Variants in AP3S2 observed in about 807,000 individuals in gnomAD.
The protein encoded by AP3S2 is AP-3 complex subunit sigma-2.
Under a neutral mutation model 23.4 loss-of-function variants are expected in AP3S2, and 22 were observed. The observed-to-expected ratio is 0.94, with a 90% CI of 0.67 to 1.34. The LOEUF is 1.34. Among genes scored for constraint, AP3S2 ranks in the 40% most tolerant of loss-of-function variants. AP3S2 has a pLI of 0.00. For synonymous variants in AP3S2, 86 were observed against 87.1 expected (o/e 0.99, Z 0.07); for missense variants, 241 against 236.9 (o/e 1.02, Z -0.11).
At chr15:89,850,401 G>A (rs1596193610) in intron 4 of AP3S2, among the ~76,000 whole-genome samples, 1 of 152,162 alleles carries the variant, frequency 6.6e-6, no homozygotes, top group South Asian at 2.1e-4. Flanking sequence ...CGGCTGGCTG[G>A]TTTAGGGGCC....
chr15:89,868,489 G>A (rs866044372), intron 4 of AP3S2, among the ~76,000 whole-genome samples: 10,771 of 85,216 alleles, frequency 0.13, 386 homozygotes, highest in Non-Finnish European at 0.18. Flanking sequence ...CCCTCTGCCC[G>A]GCCAGCCGCC....
rs989260087 is a variant in AP3S2, at chr15:89,874,132, T to G, written c.274-2586A>C. 2.1e-4 allele frequency among the ~76,000 whole-genome samples: 32 copies of G among 151,784 alleles called. 1 individual carries two copies. Among genetic ancestry groups the G allele is most frequent in the South Asian group, 1.0e-3 (5 of 4,820 alleles). ...GCTTAAGAATAGGGTTTTGGGTTTT[T>G]TTTTTTTTTAAACTGTTTTCCTTTC... On this transcript the variant is annotated intron_variant, in intron 3 of 5. Coordinates refer to ENST00000336418, the MANE Select transcript of AP3S2 (RefSeq NM_005829.5).
chr15:89,893,767 G>A (rs893273567), intron 1 of AP3S2, 114 bp downstream of exon 1: 7 of 1,049,406 alleles, frequency 6.7e-6, no homozygotes, highest in Non-Finnish European at 9.9e-6. Flanking sequence ...GTCATGCTCG[G>A]TGCAGGAGCC....
chr15:89,867,165 G>A, intron 4 of AP3S2, among the ~76,000 whole-genome samples: 1 of 148,888 alleles, frequency 6.7e-6, no homozygotes, highest in African/African-American at 2.4e-5. Flanking sequence ...TGCGATTGCA[G>A]GCACGCGCCG....
chr15:89,862,984 AAG>A (rs553883374), intron 4 of AP3S2, among the ~76,000 whole-genome samples: 186 of 152,198 alleles, frequency 1.2e-3, no homozygotes, highest in African/African-American at 4.4e-3. Flanking sequence ...TGAGAGGGAG[AAG>A]AGAGAGGTGA....
chr15:89,869,137 A>G (rs1896250246), intron 4 of AP3S2, among the ~76,000 whole-genome samples: 1 of 152,140 alleles, frequency 6.6e-6, no homozygotes, highest in African/African-American at 2.4e-5. Context: ...AAGGCGGGAA[A>G]GGTGGGGAAA....
intron 2 of AP3S2, 130 bp downstream of exon 2, chr15:89,888,919 G>T: frequency 9.6e-7 from 1 of 1,036,840 alleles, no homozygotes; most frequent in Non-Finnish European, 1.4e-6. Context: ...CTCTCCCTGA[G>T]CAGATCATGG....
intron 4 of AP3S2, among the ~76,000 whole-genome samples, chr15:89,862,915 C>A (rs962592933): frequency 6.6e-6 from 1 of 151,792 alleles, no homozygotes; most frequent in Non-Finnish European, 1.5e-5. Context: ...TTTTTAAATA[C>A]CCAAGTTTTG....
At position 89,831,042 on chromosome 15, in the gene AP3S2, T is replaced by G. The variant is rs542924956; in HGVS notation, c.*4473A>C. Reference sequence around the variant, plus strand: ...TTGGGGAACCGGAGTGGGAGTCTTTTGCTGAACAGACTTTTGTTTTCTTAA... The same window carrying G: ...TTGGGGAACCGGAGTGGGAGTCTTTGGCTGAACAGACTTTTGTTTTCTTAA... On this transcript the variant is annotated 3_prime_UTR_variant, in exon 6 of 6. Transcript: ENST00000336418. The G allele has an allele frequency of 1.0e-3, 154 of 153,152 alleles. 2 individuals carry two copies. The highest frequency in any genetic ancestry group is 1.9e-3 in the Non-Finnish European group (129 of 68,494). The allele number at this position is 153,152 out of a possible 1,614,324, so 9.5% of individuals were successfully genotyped here. A position where few individuals can be genotyped will look rare whatever the true frequency, so the allele number is the denominator to read the frequency against.
chr15:89,838,082 A>C (rs1349019803), intron 4 of AP3S2: 3 of 224,394 alleles, frequency 1.3e-5, no homozygotes, highest in Non-Finnish European at 9.0e-6. Context: ...GGATGAGATA[A>C]ATGTGTGTAA....
At chr15:89,893,850 A>C (rs1896876900) in intron 1 of AP3S2, 31 bp downstream of exon 1, 3 of 1,551,064 alleles carry the variant, frequency 1.9e-6, no homozygotes, top group Non-Finnish European at 2.6e-6. Context: ...GGGCGCCCTG[A>C]AGGGGCGTGG....
intron 3 of AP3S2, among the ~76,000 whole-genome samples, chr15:89,880,356 AG>A (rs1184277228): frequency 6.6e-6 from 1 of 152,196 alleles, no homozygotes; most frequent in Non-Finnish European, 1.5e-5. Context: ...ACTGCCACAA[AG>A]GGGAAATAAC....
At chr15:89,880,844 A>G (rs1261929350) in intron 3 of AP3S2, among the ~76,000 whole-genome samples, 1 of 152,234 alleles carries the variant, frequency 6.6e-6, no homozygotes, top group Non-Finnish European at 1.5e-5. Context: ...ACTACATGCT[A>G]GGAACATACC....
intron 4 of AP3S2, among the ~76,000 whole-genome samples, chr15:89,867,345 G>A (rs28496185): frequency 2.0e-5 from 3 of 151,534 alleles, no homozygotes; most frequent in African/African-American, 7.3e-5. Flanking sequence ...GTGCAGTGGC[G>A]TGATCTCAGC....
At chr15:89,866,979 CCCCTCTCCCTCT>C (rs143697136) in intron 4 of AP3S2, among the ~76,000 whole-genome samples, 13 of 131,178 alleles carry the variant, frequency 9.9e-5, no homozygotes, top group East Asian at 6.4e-4. Flanking sequence ...TCCCCCTTTT[CCCCTCTCCCTCT>C]CCCTCTCCCT....
At chr15:89,851,211 A>AG (rs1895644843) in intron 4 of AP3S2, among the ~76,000 whole-genome samples, 1 of 152,216 alleles carries the variant, frequency 6.6e-6, no homozygotes, top group Non-Finnish European at 1.5e-5. Context: ...CCAAGTACAA[A>AG]GTACTATGTT....
intron 5 of AP3S2, 59 bp from the exon 6 acceptor site, chr15:89,835,702 A>AT: frequency 6.3e-5 from 1 of 15,752 alleles, no homozygotes; most frequent in Non-Finnish European, 1.1e-4. Flanking sequence ...GCTTAATGCT[A>AT]AAAAAAAAAA....
intron 4 of AP3S2, among the ~76,000 whole-genome samples, chr15:89,854,984 T>G (rs1402615125): frequency 1.3e-5 from 1 of 78,912 alleles, no homozygotes; most frequent in African/African-American, 5.0e-5. Flanking sequence ...TACTGGGAAG[T>G]GAGGAGCCCC....
At chr15:89,888,445 G>GTTC in intron 3 of AP3S2, 76 bp downstream of exon 3, 1 of 1,420,464 alleles carries the variant, frequency 7.0e-7, no homozygotes, top group South Asian at 1.2e-5. Context: ...TGGACACAAG[G>GTTC]TTCTACAGGC....
Sources: allele counts gnomAD v4.1 joint callset (sites outside exome capture counted in the v4.1 genomes callset), GRCh38; gene constraint gnomAD v4.1.1; transcripts MANE v1.5; gene names NCBI Gene and HGNC (gene_info 2026-07-23, HGNC 2026-07-21).